PCBP3: variants seen among roughly 807,000 people sequenced by gnomAD.
PCBP3 encodes the protein poly(rC) binding protein 3.
A neutral mutation model predicts 52.7 loss-of-function variants in PCBP3; 25 were observed. That is an observed-to-expected ratio of 0.47 (90% CI 0.35 to 0.66). The LOEUF (loss-of-function observed/expected upper bound fraction) is 0.66, where lower values mean the gene tolerates loss of function less well. Ranked by LOEUF, PCBP3 falls within the 30% of genes least tolerant of loss-of-function variation. The pLI, the probability that PCBP3 is intolerant of heterozygous loss-of-function variation, is 0.01. For synonymous variants in PCBP3, 162 were observed against 183.0 expected (o/e 0.89, Z 0.93); for missense variants, 391 against 490.3 (o/e 0.80, Z 1.91).
intron 1 of PCBP3, among the ~76,000 whole-genome samples, chr21:45,645,238 A>AT (rs34234135): frequency 1.3e-4 from 20 of 150,322 alleles, no homozygotes; most frequent in Middle Eastern, 3.4e-3. Flanking sequence ...TTCGAGCAGT[A>AT]TTTTTTTTTT....
chr21:45,690,853 A>G (rs924164587), intron 2 of PCBP3, among the ~76,000 whole-genome samples: 1 of 152,144 alleles, frequency 6.6e-6, no homozygotes, highest in African/African-American at 2.4e-5. Flanking sequence ...CTAAAATGTA[A>G]TGAAAATAAG....
chr21:45,667,078 CT>C (rs376616007), intron 1 of PCBP3, among the ~76,000 whole-genome samples: 2 of 10,926 alleles, frequency 1.8e-4, no homozygotes, highest in Non-Finnish European at 2.3e-4. Flanking sequence ...TCTGTTTGTT[CT>C]TTCTTTCTTT....
intron 3 of PCBP3, among the ~76,000 whole-genome samples, chr21:45,752,106 A>G (rs1391365809): frequency 6.6e-6 from 1 of 152,068 alleles, no homozygotes; most frequent in Non-Finnish European, 1.5e-5. Context: ...TCATTTTGCT[A>G]TGCCAAAGAT....
intron 14 of PCBP3, 30 bp downstream of exon 14, chr21:45,930,025 T>C: frequency 1.4e-6 from 2 of 1,480,164 alleles, no homozygotes; most frequent in East Asian, 2.3e-5. Flanking sequence ...CTCACCTCCT[T>C]CTCTTCTCAC....
chr21:45,878,398 T>C (rs11089028), intron 5 of PCBP3, among the ~76,000 whole-genome samples: 117,184 of 152,284 alleles, frequency 0.77, 45,504 homozygotes, highest in East Asian at 0.89. Context: ...CAGGCCCTGG[T>C]CAGAAAGCCC....
intron 4 of PCBP3, among the ~76,000 whole-genome samples, chr21:45,846,834 T>A (rs1020985277): frequency 6.6e-6 from 1 of 152,258 alleles, no homozygotes; most frequent in Admixed American, 6.5e-5. Flanking sequence ...CCTGGTGCGC[T>A]GGCCTCACGT....
At chr21:45,900,538 G>T (rs148923687) in intron 7 of PCBP3, 53 bp from the exon 8 acceptor site, 2 of 1,472,494 alleles carry the variant, frequency 1.4e-6, no homozygotes, top group African/African-American at 2.8e-5. Context: ...GGGCCGCGCC[G>T]TCCTCAGAGC....
intron 4 of PCBP3, among the ~76,000 whole-genome samples, chr21:45,842,880 A>G (rs952026086): frequency 6.6e-6 from 1 of 152,124 alleles, no homozygotes; most frequent in African/African-American, 2.4e-5. Context: ...CTGTGCATGG[A>G]GCAGGGCAGG....
chr21:45,712,934 G>A (rs1297623813), intron 2 of PCBP3, among the ~76,000 whole-genome samples: 3 of 152,096 alleles, frequency 2.0e-5, no homozygotes, highest in Non-Finnish European at 2.9e-5. Flanking sequence ...CCACTGTGGT[G>A]TTGTGGTCTC....
At chr21:45,646,760 A>G (rs889742894) in intron 1 of PCBP3, among the ~76,000 whole-genome samples, 10 of 152,250 alleles carry the variant, frequency 6.6e-5, no homozygotes, top group Admixed American at 3.9e-4. Flanking sequence ...TAGCACCTTT[A>G]TTACAATATA....
At chr21:45,773,156 C>T (rs191451523) in intron 4 of PCBP3, among the ~76,000 whole-genome samples, 3 of 152,214 alleles carry the variant, frequency 2.0e-5, no homozygotes, top group Admixed American at 6.5e-5. Context: ...TTTGCCTAGA[C>T]CAATGTCCGG....
intron 4 of PCBP3, among the ~76,000 whole-genome samples, chr21:45,815,017 A>G (rs1437798642): frequency 8.7e-5 from 7 of 80,328 alleles, no homozygotes; most frequent in Admixed American, 2.4e-4. Flanking sequence ...GTGAGTGATG[A>G]GTGAGTGGTG....
chr21:45,822,427 G>C (rs894531498), intron 4 of PCBP3, among the ~76,000 whole-genome samples: 2 of 152,156 alleles, frequency 1.3e-5, no homozygotes, highest in African/African-American at 4.8e-5. Context: ...TCTCTTTCCA[G>C]GTGACTATAA....
chr21:45,838,476 A>G (rs2093636175), intron 4 of PCBP3, among the ~76,000 whole-genome samples: 2 of 152,172 alleles, frequency 1.3e-5, no homozygotes, highest in African/African-American at 2.4e-5. Context: ...GCTTATTGCA[A>G]TTGGGTTGTC....
intron 2 of PCBP3, among the ~76,000 whole-genome samples, chr21:45,700,083 A>G (rs771971788): frequency 1.3e-5 from 2 of 152,226 alleles, no homozygotes; most frequent in Non-Finnish European, 2.9e-5. Flanking sequence ...GCTGAGGGAC[A>G]GGACCCATGC....
chr21:45,648,288 T>C (rs544761872), intron 1 of PCBP3, among the ~76,000 whole-genome samples: 1 of 152,304 alleles, frequency 6.6e-6, no homozygotes, highest in South Asian at 2.1e-4. Flanking sequence ...CTGACAAAAT[T>C]AAGGAGGGAA....
chr21:45,895,286 G>A (rs978889756), intron 5 of PCBP3, among the ~76,000 whole-genome samples: 3 of 152,216 alleles, frequency 2.0e-5, no homozygotes, highest in Admixed American at 6.5e-5. Flanking sequence ...TCTTCTGTGT[G>A]AACCGGTTGA....
At chr21:45,899,578 G>A (rs2095967925) in intron 6 of PCBP3, 21 bp from the exon 7 acceptor site, 2 of 1,602,940 alleles carry the variant, frequency 1.2e-6, no homozygotes, top group Non-Finnish European at 1.7e-6. Context: ...TCATCTTTCT[G>A]TGATTTTTTT....
rs905302611 is a variant in PCBP3 at position 45,928,018 on chromosome 21, C to T, written c.718-1899C>T. Reference sequence around the variant, plus strand: ...TGAATTTGCCAGGAGTGTCTCACCCCGCCGTGGGCGATCTTGCCTGCAGCT... The same window carrying T: ...TGAATTTGCCAGGAGTGTCTCACCCTGCCGTGGGCGATCTTGCCTGCAGCT... On this transcript the variant is annotated intron_variant, in intron 13 of 17. Coordinates refer to ENST00000681687, the MANE Select transcript of PCBP3 (RefSeq NM_001384156.1). This position sits in a 1 kb window ranked among gnomAD's most constrained non-coding sequence, Gnocchi z 4.1. 5.3e-5 allele frequency among the ~76,000 whole-genome samples: 8 copies of T among 152,336 alleles called. No homozygotes were observed. Among genetic ancestry groups the T allele is most frequent in the South Asian group, 2.1e-4 (1 of 4,830 alleles).
Sources: allele counts gnomAD v4.1 joint callset (sites outside exome capture counted in the v4.1 genomes callset), GRCh38; gene constraint gnomAD v4.1.1; non-coding constraint Gnocchi (gnomAD v3.1); transcripts MANE v1.5; gene names NCBI Gene and HGNC (gene_info 2026-07-23, HGNC 2026-07-21).